CDS1: variants seen among roughly 807,000 people sequenced by gnomAD.
CDS1 encodes the protein phosphatidate cytidylyltransferase 1.
A neutral mutation model predicts 62.1 loss-of-function variants in CDS1; 41 were observed. That is an observed-to-expected ratio of 0.66 (90% CI 0.51 to 0.86). The LOEUF (loss-of-function observed/expected upper bound fraction) is 0.86, where lower values mean the gene tolerates loss of function less well. Among genes scored for constraint, CDS1 ranks in the 40% least tolerant of loss-of-function variants. The pLI is 0.00. For missense variants in CDS1, 470 were observed against 550.1 expected, an observed-to-expected ratio of 0.85 and a Z score of 1.46; for synonymous variants, 185 against 192.6, an observed-to-expected ratio of 0.96 and a Z score of 0.32.
At chr4:84,590,685 C>A (rs2110034057) in intron 1 of CDS1, among the ~76,000 whole-genome samples, 1 of 152,296 alleles carries the variant, frequency 6.6e-6, no homozygotes, top group South Asian at 2.1e-4. Flanking sequence ...CTGGGACATA[C>A]TTCCAAGTTG....
In CDS1 at chr4:84,648,681, G is replaced by C. The variant is rs752007454; in HGVS notation, c.1381G>C (p.Val461Leu). Reference sequence around the variant, plus strand: ...AGGAATCCTACAACCCACCTTGAAGGTATAACTGGATCCAGAGAGGGAAGG... The same window carrying C: ...AGGAATCCTACAACCCACCTTGAAGCTATAACTGGATCCAGAGAGGGAAGG... ...EKGILQPTLKV is the reference protein window; with the variant it reads ...EKGILQPTLKL The change falls in exon 13 of 13, where the codon GTA becomes CTA. Residue 461 changes from valine to leucine, a missense_variant. Physicochemically the swap from Val to Leu is conservative, Grantham distance 32. This residue lies in a region of CDS1 where 68 missense variants were observed against 81.5 expected (regional missense o/e 0.83). Transcript: ENST00000295887. 1 of 1,611,460 alleles carries C rather than the reference G, an allele frequency of 6.2e-7. No individual in the cohort carries two copies. Among genetic ancestry groups the C allele is most frequent in the Non-Finnish European group, 8.5e-7 (1 of 1,178,772 alleles).
intron 8 of CDS1, among the ~76,000 whole-genome samples, chr4:84,636,095 T>C (rs1376328685): frequency 6.6e-6 from 1 of 152,038 alleles, no homozygotes; most frequent in Non-Finnish European, 1.5e-5. Context: ...GCAGTTCTTC[T>C]TTATCCTCCT....
chr4:84,620,216 G>GTTT (rs1560475131), intron 5 of CDS1, among the ~76,000 whole-genome samples: 1 of 136,364 alleles, frequency 7.3e-6, no homozygotes, highest in African/African-American at 3.0e-5. Flanking sequence ...AGGGTAATTA[G>GTTT]TTGTTTTTTT....
At chr4:84,625,460 A>C (rs975497019) in intron 5 of CDS1, among the ~76,000 whole-genome samples, 7 of 152,152 alleles carry the variant, frequency 4.6e-5, no homozygotes, top group Non-Finnish European at 1.0e-4. Context: ...AAGGAAGGCC[A>C]TGGAAGGCCT....
intron 1 of CDS1, among the ~76,000 whole-genome samples, chr4:84,598,162 T>C (rs17367317): frequency 0.039 from 5,916 of 150,288 alleles, 137 homozygotes; most frequent in South Asian, 0.053. Flanking sequence ...AAGAAAACCA[T>C]GAAGAAACAG....
intron 5 of CDS1, among the ~76,000 whole-genome samples, chr4:84,627,020 T>C (rs1490924845): frequency 1.3e-5 from 2 of 152,198 alleles, no homozygotes; most frequent in African/African-American, 2.4e-5. Flanking sequence ...TATGCTAACA[T>C]TGAGATATTT....
At chr4:84,630,689 T>C (rs1028894966) in intron 5 of CDS1, among the ~76,000 whole-genome samples, 2 of 152,114 alleles carry the variant, frequency 1.3e-5, no homozygotes, top group African/African-American at 4.8e-5. Context: ...CCTGTAATCT[T>C]GATACTTTGG....
intron 1 of CDS1, among the ~76,000 whole-genome samples, chr4:84,592,853 A>C (rs1722633516): frequency 6.6e-6 from 1 of 152,126 alleles, no homozygotes; most frequent in South Asian, 2.1e-4. Context: ...AGCCAATCTG[A>C]CTTCATCACC....
intron 9 of CDS1, among the ~76,000 whole-genome samples, chr4:84,639,333 G>T (rs1228032127): frequency 6.6e-6 from 1 of 152,176 alleles, no homozygotes; most frequent in Non-Finnish European, 1.5e-5. Context: ...CTTAGGCGGG[G>T]CACAAGTACT....
intron 2 of CDS1, among the ~76,000 whole-genome samples, chr4:84,608,565 T>A (rs998563453): frequency 9.2e-5 from 14 of 152,326 alleles, no homozygotes; most frequent in Admixed American, 1.3e-4. Flanking sequence ...TCTGTCTTTA[T>A]CCTCAGTGGC....
chr4:84,643,613 A>G (rs1030868122), intron 11 of CDS1, among the ~76,000 whole-genome samples: 1 of 152,214 alleles, frequency 6.6e-6, no homozygotes, highest in Non-Finnish European at 1.5e-5. Flanking sequence ...CATATATTCT[A>G]TCAAAGCTTC....
intron 6 of CDS1, 35 bp downstream of exon 6, chr4:84,631,912 G>A: frequency 6.8e-7 from 1 of 1,479,900 alleles, no homozygotes; most frequent in Non-Finnish European, 9.4e-7. Flanking sequence ...GTCATTATCT[G>A]TGATAAAAAC....
chr4:84,638,887 G>A (rs1286674899), intron 8 of CDS1, 37 bp from the exon 9 acceptor site: 3 of 817,008 alleles, frequency 3.7e-6, no homozygotes, highest in Non-Finnish European at 5.7e-6. Flanking sequence ...TTTTGTGAGT[G>A]CAGTAAAGCT....
intron 3 of CDS1, among the ~76,000 whole-genome samples, chr4:84,616,019 C>G (rs1055134824): frequency 6.6e-6 from 1 of 152,122 alleles, no homozygotes; most frequent in Non-Finnish European, 1.5e-5. Flanking sequence ...TTTGTTCTCT[C>G]CTCTCAGTAA....
chr4:84,633,840 T>A lies in CDS1; in HGVS notation c.640-17T>A, dbSNP rs1452788711. The A allele has an allele frequency of 6.4e-7, 1 of 1,561,304 alleles. No individual in the cohort carries two copies. The highest frequency in any genetic ancestry group is 8.7e-7 in the Non-Finnish European group (1 of 1,145,928). Reference sequence around the variant, plus strand: ...CAGTTGTGTTCACTAATTTTTGTATTGTTGGGCTATTAACAGTTCGCATGG... The same window carrying A: ...CAGTTGTGTTCACTAATTTTTGTATAGTTGGGCTATTAACAGTTCGCATGG... On this transcript the variant is annotated splice_polypyrimidine_tract_variant and intron_variant, in intron 6 of 12. Coordinates refer to ENST00000295887, the MANE Select transcript of CDS1 (RefSeq NM_001263.4).
intron 3 of CDS1, among the ~76,000 whole-genome samples, chr4:84,613,236 A>G (rs1723383038): frequency 1.3e-5 from 2 of 152,070 alleles, no homozygotes; most frequent in Non-Finnish European, 2.9e-5. Flanking sequence ...ATATTTTGAG[A>G]AGGACATGTT....
chr4:84,596,343 T>C (rs1430345671), intron 1 of CDS1, among the ~76,000 whole-genome samples: 1 of 152,222 alleles, frequency 6.6e-6, no homozygotes, highest in Non-Finnish European at 1.5e-5. Context: ...TGGGTCTCCC[T>C]AGGCTAAAGT....
At chr4:84,626,459 G>A (rs759467056) in intron 5 of CDS1, among the ~76,000 whole-genome samples, 3 of 152,078 alleles carry the variant, frequency 2.0e-5, no homozygotes, top group African/African-American at 4.8e-5. Context: ...TGTACTTTTT[G>A]TTTGTTATTT....
chr4:84,610,764 T>G (rs1723294115), intron 3 of CDS1, among the ~76,000 whole-genome samples: 1 of 152,090 alleles, frequency 6.6e-6, no homozygotes, highest in South Asian at 2.1e-4. Flanking sequence ...TTGCCAACGG[T>G]ATTCAGTAAA....
Sources: allele counts gnomAD v4.1 joint callset (sites outside exome capture counted in the v4.1 genomes callset), GRCh38; gene constraint gnomAD v4.1.1; regional missense constraint gnomAD v4.1.1; transcripts MANE v1.5; gene names NCBI Gene and HGNC (gene_info 2026-07-23, HGNC 2026-07-21).